Variants in KCNQ1 observed in about 807,000 individuals in gnomAD.
The protein encoded by KCNQ1 is potassium voltage-gated channel subfamily KQT member 1.
A neutral mutation model predicts 72.4 loss-of-function variants in KCNQ1; 49 were observed. The observed-to-expected ratio is 0.68, with a 90% CI of 0.54 to 0.86. KCNQ1 has a LOEUF of 0.86. Among genes scored for constraint, KCNQ1 ranks in the 40% least tolerant of loss-of-function variants. The pLI is 0.00. For synonymous variants in KCNQ1, 450 were observed against 412.6 expected (o/e 1.09, Z -1.10); for missense variants, 790 against 945.1 (o/e 0.84, Z 2.15).
chr11:2,630,251 A>G (rs1216977359), intron 10 of KCNQ1: 1 of 398,198 alleles, frequency 2.5e-6, no homozygotes, highest in African/African-American at 2.1e-5. Flanking sequence ...CTTATGTACT[A>G]AGGATAAATC....
intron 15 of KCNQ1, among the ~76,000 whole-genome samples, chr11:2,792,357 G>T (rs1847043217): frequency 1.3e-5 from 2 of 152,244 alleles, no homozygotes; most frequent in African/African-American, 4.8e-5. Context: ...AGTGGATGGG[G>T]TGTGTGCCCA....
At position 2,579,445 on chromosome 11, in the gene KCNQ1, A is replaced by G. The variant is rs1043841976; in HGVS notation, c.922-3990A>G. ...GTGCCCTGGCAAGGAGCCACGGCCC[A>G]GGAGACAGACATGTGGATCTGCATT... On this transcript the variant is annotated intron_variant, in intron 6 of 15. Coordinates refer to ENST00000155840, the MANE Select transcript of KCNQ1 (RefSeq NM_000218.3). This position sits in a 1 kb window ranked among gnomAD's most constrained non-coding sequence, Gnocchi z 6.0. Among the ~76,000 whole-genome samples, 6 of 152,346 alleles carry G rather than the reference A, an allele frequency of 3.9e-5. No homozygotes were observed. In the South Asian group the frequency reaches 1.2e-3, roughly 32 times the overall value.
In KCNQ1 at chr11:2,478,135, C is replaced by T. The variant is rs1846599368; in HGVS notation, c.386+32651C>T. ...TCGGTAGCAGAACTCCTGCCAAAGA[C>T]ACAGCTGTCCAGGGTCGAATCATCC... On this transcript the variant is annotated intron_variant, in intron 1 of 15. Coordinates refer to ENST00000155840, the MANE Select transcript of KCNQ1 (RefSeq NM_000218.3). This position sits in a 1 kb window ranked among gnomAD's most constrained non-coding sequence, Gnocchi z 4.0. 6.7e-6 allele frequency among the ~76,000 whole-genome samples: 1 copy of T among 149,364 alleles called. No homozygotes were observed. Among genetic ancestry groups the T allele is most frequent in the South Asian group, 2.2e-4 (1 of 4,474 alleles).
At chr11:2,448,379 C>T (rs912535750) in intron 1 of KCNQ1, among the ~76,000 whole-genome samples, 1 of 152,202 alleles carries the variant, frequency 6.6e-6, no homozygotes, top group African/African-American at 2.4e-5. Context: ...GCAGAACCCT[C>T]GCGGGTGCGT....
intron 15 of KCNQ1, among the ~76,000 whole-genome samples, chr11:2,825,805 G>A (rs751628662): frequency 3.3e-5 from 5 of 152,188 alleles, no homozygotes; most frequent in Non-Finnish European, 5.9e-5. Context: ...GGACCAGCGC[G>A]GCCTCCACGC....
chr11:2,458,820 A>G lies in KCNQ1; in HGVS notation c.386+13336A>G, dbSNP rs552038653. On this transcript the variant is annotated intron_variant, in intron 1 of 15. Transcript: ENST00000155840. The surrounding 1 kb of genome is among the most constrained non-coding windows in gnomAD (Gnocchi z 4.6). ...GGTGGGGGATGGCTCTGTAGGACAC[A>G]TGACCTGATTTCCTCAGTAAGTCAA... 6.6e-6 allele frequency among the ~76,000 whole-genome samples: 1 copy of G among 152,340 alleles called. No homozygotes were observed. The highest frequency in any genetic ancestry group is 2.4e-5 in the African/African-American group (1 of 41,586).
chr11:2,605,220 T>C (rs1354105505), intron 10 of KCNQ1, among the ~76,000 whole-genome samples: 1 of 152,206 alleles, frequency 6.6e-6, no homozygotes, highest in Non-Finnish European at 1.5e-5. Flanking sequence ...TTTGCAAATA[T>C]TTTCTCCCAT....
intron 11 of KCNQ1, among the ~76,000 whole-genome samples, chr11:2,714,343 C>G (rs1188277085): frequency 1.3e-5 from 2 of 152,206 alleles, no homozygotes; most frequent in Non-Finnish European, 2.9e-5. Context: ...TATGGGCGAG[C>G]TGCCTGCTGG....
intron 11 of KCNQ1, chr11:2,700,022 TG>T (rs1850770836): frequency 2.5e-6 from 1 of 398,050 alleles, no homozygotes. Context: ...GCGCTCCGAC[TG>T]CCCCCGCCGC....
rs777529771 is a variant in KCNQ1, at chr11:2,492,268, C to G, written c.387-35660C>G. Reference sequence around the variant, plus strand: ...AACTGATAAATAATGACTACAACAACTTTTGCGGTACAATAGGCAGTACAA... The same window carrying G: ...AACTGATAAATAATGACTACAACAAGTTTTGCGGTACAATAGGCAGTACAA... On this transcript the variant is annotated intron_variant, in intron 1 of 15. Coordinates refer to ENST00000155840, the MANE Select transcript of KCNQ1 (RefSeq NM_000218.3). This position sits in a 1 kb window ranked among gnomAD's most constrained non-coding sequence, Gnocchi z 4.1. Among the ~76,000 whole-genome samples, 1 of 152,116 alleles carries G rather than the reference C, an allele frequency of 6.6e-6. No individual in the cohort carries two copies. The highest frequency in any genetic ancestry group is 1.5e-5 in the Non-Finnish European group (1 of 68,022).
At chr11:2,561,547 G>A (rs1421861141) in intron 2 of KCNQ1, among the ~76,000 whole-genome samples, 2 of 152,196 alleles carry the variant, frequency 1.3e-5, no homozygotes, top group Non-Finnish European at 2.9e-5. Flanking sequence ...GGCACTGCTG[G>A]TGCCCCATTT....
intron 10 of KCNQ1, among the ~76,000 whole-genome samples, chr11:2,606,387 A>G (rs75431610): frequency 0.05 from 7,644 of 152,240 alleles, 625 homozygotes; most frequent in African/African-American, 0.17. Context: ...TGTCTGGATC[A>G]TGGACGGAGC....
rs781755297 is a variant in KCNQ1, at chr11:2,464,258, G to A, written c.386+18774G>A. 5.9e-5 allele frequency among the ~76,000 whole-genome samples: 9 copies of A among 152,060 alleles called. No individual in the cohort carries two copies. The highest frequency in any genetic ancestry group is 1.2e-4 in the Non-Finnish European group (8 of 68,004). On this transcript the variant is annotated intron_variant, in intron 1 of 15. Transcript: ENST00000155840. The surrounding 1 kb of genome is among the most constrained non-coding windows in gnomAD (Gnocchi z 5.0). ...ACAGCAGATAACAAGCCTTCGTCGT[G>A]GTCACCCCTGGGTGTGGGCTGTGGG...
chr11:2,849,061 T>C lies in KCNQ1; in HGVS notation c.*1058T>C, dbSNP rs1041128182. The C allele has an allele frequency of 1.1e-5, 5 of 453,956 alleles. No individual in the cohort carries two copies. The highest frequency in any genetic ancestry group is 7.8e-5 in the South Asian group (5 of 64,482). The allele number at this position is 453,956 out of a possible 1,614,324, so 28.1% of individuals were successfully genotyped here. A position where few individuals can be genotyped will look rare whatever the true frequency, so the allele number is the denominator to read the frequency against. On this transcript the variant is annotated 3_prime_UTR_variant, in exon 16 of 16. Coordinates refer to ENST00000155840, the MANE Select transcript of KCNQ1 (RefSeq NM_000218.3). Reference sequence around the variant, plus strand: ...TGGGGTCTCTCACAGACAGGACCCCTGCAGTTCCCCTGGAAGCAGTGCCCA... The same window carrying C: ...TGGGGTCTCTCACAGACAGGACCCCCGCAGTTCCCCTGGAAGCAGTGCCCA...
In KCNQ1 at chr11:2,813,898, TG is replaced by T. The variant is rs1355217514; in HGVS notation, c.1795-33867del. Among the ~76,000 whole-genome samples, 2 of 151,700 alleles carry T rather than the reference TG, an allele frequency of 1.3e-5. No homozygotes were observed. Among genetic ancestry groups the T allele is most frequent in the East Asian group, 3.9e-4 (2 of 5,118 alleles). ...TTGCAGAAAGGGATGCGTGGAAGGA[TG>T]GTTGATGGATGGATGGTTAGATGGA... On this transcript the variant is annotated intron_variant, in intron 15 of 15. Coordinates refer to ENST00000155840, the MANE Select transcript of KCNQ1 (RefSeq NM_000218.3). The surrounding 1 kb of genome is among the most constrained non-coding windows in gnomAD (Gnocchi z 4.4).
intron 11 of KCNQ1, among the ~76,000 whole-genome samples, chr11:2,709,415 A>C (rs1306298918): frequency 3.3e-5 from 3 of 92,114 alleles, no homozygotes; most frequent in African/African-American, 1.7e-4. Context: ...ACGGTCCTGC[A>C]GGGCTGTTTT....
chr11:2,588,919 C>T lies in KCNQ1; in HGVS notation c.1393+65C>T, dbSNP rs1181020524. 9 of 1,573,614 alleles carry T rather than the reference C, an allele frequency of 5.7e-6. No homozygotes were observed. The Admixed American group carries it at 7.0e-5, about 12-fold the overall frequency. On this transcript the variant is annotated intron_variant, in intron 10 of 15. Coordinates refer to ENST00000155840, the MANE Select transcript of KCNQ1 (RefSeq NM_000218.3). The surrounding 1 kb of genome is among the most constrained non-coding windows in gnomAD (Gnocchi z 5.6). The stretch of plus-strand genomic sequence containing the variant: ...AAGGTCACTGCCTTTTTTGGGAGCC[C>T]GAGCAAGCCAGTGAGTTTCTCCCTT...
intron 10 of KCNQ1, chr11:2,649,703 C>T (rs918072849): frequency 1.1e-4 from 42 of 398,428 alleles, no homozygotes; most frequent in African/African-American, 5.6e-4. Flanking sequence ...TATGTGACTT[C>T]ATGCTTCTCT....
In KCNQ1 at chr11:2,497,288, A is replaced by G. The variant is rs1846938447; in HGVS notation, c.387-30640A>G. On this transcript the variant is annotated intron_variant, in intron 1 of 15. Transcript: ENST00000155840. The surrounding 1 kb of genome is among the most constrained non-coding windows in gnomAD (Gnocchi z 4.5). ...CCAACTTGGTTCCATTCTCCCCGTCACTTTCAGGTACAGCAATCAATTGTA... is the reference window on the plus strand; with the variant it reads ...CCAACTTGGTTCCATTCTCCCCGTCGCTTTCAGGTACAGCAATCAATTGTA... 1.3e-5 allele frequency among the ~76,000 whole-genome samples: 2 copies of G among 152,218 alleles called. No homozygotes were observed. Among genetic ancestry groups the G allele is most frequent in the Middle Eastern group, 3.4e-3 (1 of 294 alleles).
Sources: gnomAD v4.1 joint callset for allele counts (sites outside exome capture counted in the v4.1 genomes callset) on GRCh38, gnomAD v4.1.1 for gene constraint, Gnocchi (gnomAD v3.1) non-coding constraint, MANE v1.5 for transcripts, NCBI Gene and HGNC (gene_info 2026-07-23, HGNC 2026-07-21) for gene names.